The following EIF2S3B variants were observed in gnomAD, a reference collection of about 807,000 sequenced individuals.
EIF2S3B encodes eukaryotic translation initiation factor 2 subunit gamma B.
EIF2S3B carries 16 observed loss-of-function variants against 26.4 expected under a neutral mutation model. The ratio of observed to expected loss-of-function variants is 0.61; its 90% confidence interval spans 0.41 to 0.92. EIF2S3B has a LOEUF of 0.92. Ranked by LOEUF, EIF2S3B falls within the 40% of genes least tolerant of loss-of-function variation. The probability of loss-of-function intolerance (pLI) is 0.00; values close to 1 mark genes in which losing one functional copy is unlikely to be tolerated. For missense variants in EIF2S3B, 510 were observed against 575.5 expected, an observed-to-expected ratio of 0.89 and a Z score of 1.16; for synonymous variants, 183 against 204.4, an observed-to-expected ratio of 0.90 and a Z score of 0.89.
At chr12:10,511,907 AT>A (rs1412591554), downstream of EIF2S3B, among the ~76,000 whole-genome samples, 1 of 152,204 alleles carries the variant, frequency 6.6e-6, no homozygotes, top group Non-Finnish European at 1.5e-5. Flanking sequence ...TTCATCAGAG[AT>A]TTCCTACACA....
chr12:10,508,992 C>T (rs1460408172), downstream of EIF2S3B, among the ~76,000 whole-genome samples: 1 of 152,000 alleles, frequency 6.6e-6, no homozygotes, highest in Non-Finnish European at 1.5e-5. Flanking sequence ...TACTTATCTT[C>T]TTTGTTTCTC....
In EIF2S3B at chr12:10,507,124, A is replaced by G. The variant is rs1864643632; in HGVS notation, c.1222A>G (p.Ile408Val). ...LSKNEVLMVN[I>V]GSLSTGGRVS... ...TAAGAATGAAGTGCTCATGGTGAAC[A>G]TAGGATCCCTGTCGACAGGAGGGAG... Residue 408 changes from isoleucine to valine, a missense_variant, in exon 1 of 1, where the codon ATA (isoleucine) becomes GTA (valine). Coordinates refer to ENST00000538173, the MANE Select transcript of EIF2S3B (RefSeq NM_001357734.3). 3 of 1,613,860 alleles carry G rather than the reference A, an allele frequency of 1.9e-6. No individual in the cohort carries two copies. In the South Asian group the frequency reaches 3.3e-5, roughly 18 times the overall value.
rs1864663912 is a variant in EIF2S3B at position 10,508,025 on chromosome 12, T to C, written c.*704T>C. On this transcript the variant is annotated 3_prime_UTR_variant, in exon 1 of 1. Coordinates refer to ENST00000538173, the MANE Select transcript of EIF2S3B (RefSeq NM_001357734.3). ...TTTGAGTACCTCCAGGCTGAAGGAC[T>C]GTTGTACCAGTAAAAACTTAAAGGC... is the stretch of plus-strand genomic sequence containing the variant. Among the ~76,000 whole-genome samples, 1 of 152,226 alleles carries C rather than the reference T, an allele frequency of 6.6e-6. No homozygotes were observed. The highest frequency in any genetic ancestry group is 2.1e-4 in the South Asian group (1 of 4,834).
chr12:10,517,459 C>T (rs1718926959), intron 1 of EIF2S3B, among the ~76,000 whole-genome samples: 1 of 151,996 alleles, frequency 6.6e-6, no homozygotes, highest in Admixed American at 6.6e-5. Context: ...GTGGTGATAT[C>T]CCCTTTATCA....
Position 10,506,288 on chromosome 12 carries a change from A to G in EIF2S3B, c.386A>G (p.His129Arg), listed in dbSNP as rs1224464816. ...AAAGGGAACTTCAGATTAGTCAGAC[A>G]TGTTTCCTTTGTTGACTGTCCTGGC... ...GTKGNFRLVRHVSFVDCPGHD... is the reference protein window; with the variant it reads ...GTKGNFRLVRRVSFVDCPGHD... Residue 129 changes from histidine to arginine, a missense_variant, in exon 1 of 1, where the codon CAT becomes CGT. Physicochemically the swap from His to Arg is conservative, Grantham distance 29. Transcript: ENST00000538173. 1.9e-6 allele frequency: 3 copies of G among 1,613,956 alleles called. No homozygotes were observed. Among genetic ancestry groups the G allele is most frequent in the Non-Finnish European group, 1.7e-6 (2 of 1,179,964 alleles).
chr12:10,505,938 G>A lies in EIF2S3B; in HGVS notation c.36G>A (p.Gln12=). ...GAGAAGCTGGGGTGACTCTGGGGCA[G>A]CCGCACCTTTCGCGTCAGGATCTCA... is the stretch of plus-strand genomic sequence containing the variant. ...AGGEAGVTLG[Q]PHLSRQDLTT... Residue 12 remains glutamine (Q), a synonymous_variant, in exon 1 of 1, where the codon CAG becomes CAA. Transcript: ENST00000538173. 1.2e-6 allele frequency: 2 copies of A among 1,602,048 alleles called. No homozygotes were observed. Among genetic ancestry groups the A allele is most frequent in the South Asian group, 1.1e-5 (1 of 90,838 alleles).
At chr12:10,522,296 G>A (rs1864840203) in intron 1 of EIF2S3B, among the ~76,000 whole-genome samples, 1 of 152,140 alleles carries the variant, frequency 6.6e-6, no homozygotes, top group Non-Finnish European at 1.5e-5. Context: ...GATTGTGCCA[G>A]TGCACTCCAG....
chr12:10,522,738 T>A (rs1020889978), exon 2 of EIF2S3B: 1 of 678,188 alleles, frequency 1.5e-6, no homozygotes, highest in African/African-American at 1.8e-5. Context: ...AAAGAAAACA[T>A]GATCCCCTTT....
intron 1 of EIF2S3B, among the ~76,000 whole-genome samples, chr12:10,515,388 A>G (rs1461216022): frequency 6.6e-6 from 1 of 152,098 alleles, no homozygotes; most frequent in East Asian, 1.9e-4. Flanking sequence ...GGTGCCATAT[A>G]TAGTTCCTGA....
Position 10,506,251 on chromosome 12 carries a change from A to G in EIF2S3B, c.349A>G (p.Ile117Val). ...SSMPDEFPTD[I>V]PGTKGNFRLV... ...TATGCCTGATGAGTTTCCTACAGAC[A>G]TTCCAGGAACCAAAGGGAACTTCAG... The change falls in exon 1 of 1, where the codon ATT becomes GTT. Residue 117 changes from isoleucine (I) to valine (V), a missense_variant. Physicochemically the swap from Ile to Val is conservative, Grantham distance 29. Transcript: ENST00000538173. 1 of 1,610,950 alleles carries G rather than the reference A, an allele frequency of 6.2e-7. No homozygotes were observed.
chr12:10,506,605 G>C lies in EIF2S3B; in HGVS notation c.703G>C (p.Val235Leu), dbSNP rs1323202700. Residue 235 changes from valine (V) to leucine (L), a missense_variant, in exon 1 of 1, where the codon GTT becomes CTT. Coordinates refer to ENST00000538173, the MANE Select transcript of EIF2S3B (RefSeq NM_001357734.3). Reference protein sequence around the residue: ...SAQLKYNIEVVCEYIVKKIPV... With the variant: ...SAQLKYNIEVLCEYIVKKIPV... ...TCAGCTGAAATACAATATTGAAGTT[G>C]TTTGTGAGTACATAGTAAAGAAAAT... The C allele has an allele frequency of 6.2e-7, 1 of 1,607,510 alleles. No individual in the cohort carries two copies. The highest frequency in any genetic ancestry group is 1.7e-5 in the Admixed American group (1 of 60,026).
At chr12:10,522,144 CCTTTT>C (rs1466183110) in intron 1 of EIF2S3B, among the ~76,000 whole-genome samples, 1 of 152,142 alleles carries the variant, frequency 6.6e-6, no homozygotes, top group Admixed American at 6.6e-5. Flanking sequence ...ACTTTCTCAT[CCTTTT>C]AAGTATGCTG....
At chr12:10,520,290 C>T (rs893544469) in intron 1 of EIF2S3B, among the ~76,000 whole-genome samples, 1 of 145,868 alleles carries the variant, frequency 6.9e-6, no homozygotes, top group African/African-American at 2.6e-5. Context: ...TGTTCTCACT[C>T]ATAGGTGGGA....
In EIF2S3B at chr12:10,506,459, T is replaced by C. The variant is rs1056811649; in HGVS notation, c.557T>C (p.Leu186Ser). The change falls in exon 1 of 1, where the codon TTG (leucine) becomes TCG (serine). Residue 186 changes from leucine (L) to serine (S), a missense_variant. Transcript: ENST00000538173. ...GAGATCATGAAACTGAAGCATATTTTGATTCTACAAAATAAAATTGATTTG... is the reference window on the plus strand; with the variant it reads ...GAGATCATGAAACTGAAGCATATTTCGATTCTACAAAATAAAATTGATTTG... ...AIEIMKLKHI[L>S]ILQNKIDLVK... is the part of the protein sequence containing the mutation. 6.2e-7 allele frequency: 1 copy of C among 1,612,298 alleles called. No individual in the cohort carries two copies. Among genetic ancestry groups the C allele is most frequent in the Non-Finnish European group, 8.5e-7 (1 of 1,178,288 alleles).
chr12:10,518,268 C>T (rs1165675577), intron 1 of EIF2S3B, among the ~76,000 whole-genome samples: 2 of 152,144 alleles, frequency 1.3e-5, no homozygotes, highest in Non-Finnish European at 2.9e-5. Context: ...TCACTCAGGA[C>T]TTGCTTTATG....
In EIF2S3B at chr12:10,522,703, T is replaced by C. The variant is rs143192021; in HGVS notation, c.*8T>C. 1,030 of 685,984 alleles carry C rather than the reference T, an allele frequency of 1.5e-3. 6 individuals carry two copies. The highest frequency in any genetic ancestry group is 0.013 in the African/African-American group (743 of 56,882). 42.5% of individuals were successfully genotyped at this position (685,984 alleles called of 1,614,324 possible). Reference sequence around the variant, plus strand: ...TCTGCAGCAAACTTCTAGGAAATCATTTCTTTCTTTAAAGAAAAAAGACAA... The same window carrying C: ...TCTGCAGCAAACTTCTAGGAAATCACTTCTTTCTTTAAAGAAAAAAGACAA... On this transcript the variant is annotated 3_prime_UTR_variant, in exon 2 of 2. Coordinates refer to the EIF2S3B transcript ENST00000322446.
chr12:10,519,463 T>G (rs1303251854), intron 1 of EIF2S3B, among the ~76,000 whole-genome samples: 142 of 151,846 alleles, frequency 9.4e-4, no homozygotes, highest in African/African-American at 3.2e-3. Context: ...GGACTTCATG[T>G]CTAACACACC....
intron 1 of EIF2S3B, among the ~76,000 whole-genome samples, chr12:10,519,835 G>T (rs1474730395): frequency 6.8e-6 from 1 of 146,156 alleles, no homozygotes; most frequent in Non-Finnish European, 1.5e-5. Context: ...AGTTAGAATG[G>T]CAATCATTAA....
chr12:10,507,024 C>T lies in EIF2S3B; in HGVS notation c.1122C>T (p.Ser374=), dbSNP rs764655799. 2.5e-6 allele frequency: 4 copies of T among 1,613,754 alleles called. No homozygotes were observed. The highest frequency in any genetic ancestry group is 3.4e-6 in the Non-Finnish European group (4 of 1,179,696). ...LPEIFTELEI[S]YFLLRRLLGV... ...AGATATTCACAGAATTGGAAATTTC[C>T]TATTTCCTGCTTAGACGGCTTCTAG... Residue 374 remains serine (S), a synonymous_variant, in exon 1 of 1, where the codon TCC becomes TCT. Coordinates refer to ENST00000538173, the MANE Select transcript of EIF2S3B (RefSeq NM_001357734.3).
Sources: gnomAD v4.1 joint callset for allele counts (sites outside exome capture counted in the v4.1 genomes callset) on GRCh38, gnomAD v4.1.1 for gene constraint, MANE v1.5 for transcripts, NCBI Gene and HGNC (gene_info 2026-07-23, HGNC 2026-07-21) for gene names.